RUFY2: variants seen among roughly 807,000 people sequenced by gnomAD.
RUFY2 encodes RUN and FYVE domain-containing protein 2.
Under a neutral mutation model 94.4 loss-of-function variants are expected in RUFY2, and 49 were observed. The observed-to-expected ratio is 0.52, with a 90% CI of 0.41 to 0.66. RUFY2 has a LOEUF of 0.66. Ranked by LOEUF, RUFY2 falls within the 30% of genes least tolerant of loss-of-function variation. The pLI is 0.00. For missense variants in RUFY2, 541 were observed against 692.8 expected (o/e 0.78, Z 2.46); for synonymous variants, 255 against 235.7 (o/e 1.08, Z -0.75).
intron 15 of RUFY2, among the ~76,000 whole-genome samples, chr10:68,360,862 C>T (rs967176598): frequency 1.5e-4 from 22 of 151,640 alleles, no homozygotes; most frequent in Non-Finnish European, 1.5e-5. Context: ...CACACCACTG[C>T]ACTCCAGCCT....
chr10:68,373,234 C>A (rs1248135188), intron 13 of RUFY2, among the ~76,000 whole-genome samples: 1 of 151,924 alleles, frequency 6.6e-6, no homozygotes, highest in Non-Finnish European at 1.5e-5. Flanking sequence ...ACAGCAAACA[C>A]CAAAAATCTA....
At chr10:68,378,325 A>G in intron 12 of RUFY2, 3 of 1,194,612 alleles carry the variant, frequency 2.5e-6, no homozygotes, top group Non-Finnish European at 3.1e-6. Context: ...CCTGACCTCC[A>G]AAGGGTCAAT....
At chr10:68,341,561 T>C (rs1422723327), downstream of RUFY2, 9 of 1,470,384 alleles carry the variant, frequency 6.1e-6, no homozygotes, top group African/African-American at 1.4e-5. Flanking sequence ...TTCTCCCCTG[T>C]TACTCTTTCT....
At chr10:68,359,522 G>A (rs1394534044) in intron 15 of RUFY2, among the ~76,000 whole-genome samples, 1 of 142,942 alleles carries the variant, frequency 7.0e-6, no homozygotes, top group African/African-American at 2.6e-5. Flanking sequence ...ATACATAGTA[G>A]TATATTTATA....
chr10:68,387,288 C>T (rs1479272691), intron 7 of RUFY2, among the ~76,000 whole-genome samples: 1 of 151,846 alleles, frequency 6.6e-6, no homozygotes, highest in Non-Finnish European at 1.5e-5. Context: ...ACCTGGGAGG[C>T]AGAGGTTGCA....
chr10:68,379,191 T>C (rs975683634), intron 12 of RUFY2: 1 of 404,828 alleles, frequency 2.5e-6, no homozygotes, highest in South Asian at 4.9e-5. Context: ...ACTGCTGATA[T>C]TAGGCCTCTA....
chr10:68,382,478 G>A (rs1442885567), intron 10 of RUFY2, among the ~76,000 whole-genome samples: 1 of 151,452 alleles, frequency 6.6e-6, no homozygotes, highest in East Asian at 2.0e-4. Flanking sequence ...ACTTTAGGAG[G>A]CCAAGGTGGG....
chr10:68,393,078 G>C, intron 7 of RUFY2, 60 bp downstream of exon 7: 1 of 914,512 alleles, frequency 1.1e-6, no homozygotes, highest in Non-Finnish European at 1.7e-6. Context: ...TAAGCTGAAG[G>C]GAAAAAAACA....
At chr10:68,401,805 T>C (rs2050870170) in intron 2 of RUFY2, 68 bp from the exon 3 acceptor site, 1 of 916,356 alleles carries the variant, frequency 1.1e-6, no homozygotes, top group Admixed American at 1.9e-5. Flanking sequence ...TTTTTAAATA[T>C]TTAGTTTCAA....
Position 68,380,088 on chromosome 10 carries a change from A to G in RUFY2, c.1108-567T>C, listed in dbSNP as rs192776893. Among the ~76,000 whole-genome samples the G allele has an allele frequency of 2.1e-3, 309 of 150,690 alleles. 2 individuals are homozygous for G. The highest frequency in any genetic ancestry group is 5.4e-3 in the African/African-American group (221 of 41,040). ...CTCCCAAAGTGCTGGGATTACAGGCATGAGCCACCGCACACGGCCCTTTTT... is the reference window on the plus strand; with the variant it reads ...CTCCCAAAGTGCTGGGATTACAGGCGTGAGCCACCGCACACGGCCCTTTTT... On this transcript the variant is annotated intron_variant, in intron 11 of 17. Coordinates refer to ENST00000602465, the MANE Select transcript of RUFY2 (RefSeq NM_001330103.2).
rs1034620940 is a variant in RUFY2, at chr10:68,387,663, TA to T, written c.651-1536del. Among the ~76,000 whole-genome samples, 44 of 152,160 alleles carry T rather than the reference TA, an allele frequency of 2.9e-4. 1 individual carries two copies. Among genetic ancestry groups the T allele is most frequent in the Non-Finnish European group, 8.8e-5 (6 of 68,032 alleles). ...CAGACAAACACAAGTCTAGGAGACG[TA>T]AGACCAAGAGCCCTGCTTTTCTACT... On this transcript the variant is annotated intron_variant, in intron 7 of 17. Transcript: ENST00000602465.
At chr10:68,394,535 C>T (rs777656158) in intron 4 of RUFY2, 84 bp from the exon 5 acceptor site, 27 of 975,482 alleles carry the variant, frequency 2.8e-5, no homozygotes, top group Non-Finnish European at 3.9e-5. Flanking sequence ...TCTTCCTAAT[C>T]TTCTACCTTA....
At chr10:68,352,483 G>A (rs993671420) in intron 16 of RUFY2, among the ~76,000 whole-genome samples, 6 of 152,210 alleles carry the variant, frequency 3.9e-5, no homozygotes, top group Non-Finnish European at 7.3e-5. Context: ...GAGAACTCTT[G>A]AAGTTGGAGG....
At chr10:68,369,315 T>G (rs1362871108) in intron 13 of RUFY2, among the ~76,000 whole-genome samples, 1 of 151,774 alleles carries the variant, frequency 6.6e-6, no homozygotes, top group Non-Finnish European at 1.5e-5. Flanking sequence ...TGAAACCTCA[T>G]CTCTACAAAA....
At chr10:68,380,728 G>C (rs2048997706) in intron 11 of RUFY2, among the ~76,000 whole-genome samples, 1 of 152,002 alleles carries the variant, frequency 6.6e-6, no homozygotes, top group Admixed American at 6.6e-5. Flanking sequence ...CGGGCGTATT[G>C]GTATATGCCC....
chr10:68,342,224 G>A (rs1328470921), downstream of RUFY2: 2 of 524,742 alleles, frequency 3.8e-6, no homozygotes, highest in Non-Finnish European at 6.7e-6. Flanking sequence ...TTTTCTGTAG[G>A]TTTATTTGTT....
At chr10:68,363,929 T>G in intron 14 of RUFY2, 55 bp downstream of exon 14, 3 of 1,339,532 alleles carry the variant, frequency 2.2e-6, no homozygotes, top group East Asian at 2.4e-5. Context: ...ATTTATCTTT[T>G]TAAATAAGTT....
At chr10:68,407,062 G>A (rs923577039) in intron 1 of RUFY2, 124 bp downstream of exon 1, 1 of 1,477,118 alleles carries the variant, frequency 6.8e-7, no homozygotes, top group Admixed American at 2.5e-5. Context: ...CCCATCCTGG[G>A]TTCGGGCCCC....
intron 3 of RUFY2, among the ~76,000 whole-genome samples, chr10:68,398,256 G>A (rs772906447): frequency 4.6e-5 from 7 of 151,808 alleles, no homozygotes; most frequent in Non-Finnish European, 7.4e-5. Context: ...TAATTAAAGA[G>A]AAATCACTGT....
Sources: gnomAD v4.1 joint callset for allele counts (sites outside exome capture counted in the v4.1 genomes callset) on GRCh38, gnomAD v4.1.1 for gene constraint, MANE v1.5 for transcripts, NCBI Gene and HGNC (gene_info 2026-07-23, HGNC 2026-07-21) for gene names.